Variants in EFCAB6 observed in about 807,000 individuals in gnomAD.
EFCAB6 encodes EF-hand calcium binding domain 6.
Under a neutral mutation model 169.8 loss-of-function variants are expected in EFCAB6, and 156 were observed. The observed-to-expected ratio is 0.92, with a 90% CI of 0.81 to 1.05. The LOEUF (loss-of-function observed/expected upper bound fraction) is 1.05. Among genes scored for constraint, EFCAB6 ranks in the 50% least tolerant of loss-of-function variants. EFCAB6 has a pLI of 0.00. For missense variants in EFCAB6, 1,800 were observed against 1,829.1 expected (o/e 0.98, Z 0.29); for synonymous variants, 698 against 676.4 (o/e 1.03, Z -0.50).
chr22:43,810,868 T>C (rs1292877022), intron 1 of EFCAB6, among the ~76,000 whole-genome samples: 1 of 152,160 alleles, frequency 6.6e-6, no homozygotes, highest in Non-Finnish European at 1.5e-5. Flanking sequence ...TCTTCACATA[T>C]AATCAAAGGG....
At chr22:43,650,153 G>T (rs1184700014) in intron 17 of EFCAB6, among the ~76,000 whole-genome samples, 2 of 152,156 alleles carry the variant, frequency 1.3e-5, no homozygotes, top group Non-Finnish European at 2.9e-5. Flanking sequence ...CTCCTGGAGG[G>T]GAAGGGGCAG....
At chr22:43,796,575 C>G (rs947563268) in intron 2 of EFCAB6, among the ~76,000 whole-genome samples, 1 of 152,006 alleles carries the variant, frequency 6.6e-6, no homozygotes, top group Non-Finnish European at 1.5e-5. Context: ...ATACGGCAAC[C>G]GAGAAAAAAC....
intron 8 of EFCAB6, among the ~76,000 whole-genome samples, chr22:43,729,447 T>C (rs2059856274): frequency 6.6e-6 from 1 of 151,938 alleles, no homozygotes; most frequent in Admixed American, 6.6e-5. Context: ...ATCCAAACCA[T>C]ATCACCCTAG....
chr22:43,640,479 G>C (rs1177667856), intron 17 of EFCAB6, among the ~76,000 whole-genome samples: 2 of 152,172 alleles, frequency 1.3e-5, no homozygotes, highest in Non-Finnish European at 2.9e-5. Flanking sequence ...GAGTCAGCCA[G>C]AGATTGAGGA....
Position 43,589,280 on chromosome 22 carries a change from C to CAAAAAAAA in EFCAB6, c.3032+786_3032+793dup, listed in dbSNP as rs1163346832. ...TGGGTAACAGAGGGAGACTTCATGT[C>CAAAAAAAA]AAAAAAAAAAAAAAAAAAAAAAAAA... On this transcript the variant is annotated intron_variant, in intron 24 of 31. Transcript: ENST00000262726. Among the ~76,000 whole-genome samples, 207 of 80,850 alleles carry CAAAAAAAA rather than the reference C, an allele frequency of 2.6e-3. 1 individual carries two copies. Among genetic ancestry groups the CAAAAAAAA allele is most frequent in the Non-Finnish European group, 4.3e-3 (177 of 41,616 alleles). The allele number at this position is 80,850 out of a possible 152,430, so 53.0% of individuals were successfully genotyped here. A position where few individuals can be genotyped will look rare whatever the true frequency, so the allele number is the denominator to read the frequency against.
At chr22:43,563,661 G>A (rs146201924) in intron 26 of EFCAB6, among the ~76,000 whole-genome samples, 235 of 152,310 alleles carry the variant, frequency 1.5e-3, no homozygotes, top group African/African-American at 5.3e-3. Flanking sequence ...AGAGCCTGCC[G>A]CGCTGCTGCT....
intron 17 of EFCAB6, among the ~76,000 whole-genome samples, chr22:43,666,655 C>T (rs1388348930): frequency 6.7e-6 from 1 of 150,038 alleles, no homozygotes; most frequent in Non-Finnish European, 1.5e-5. Context: ...ACATGCAAAT[C>T]AGCACTCTGA....
intron 2 of EFCAB6, among the ~76,000 whole-genome samples, chr22:43,791,299 G>A (rs1156908895): frequency 6.6e-6 from 1 of 151,822 alleles, no homozygotes; most frequent in Non-Finnish European, 1.5e-5. Flanking sequence ...CTTAAACCCG[G>A]CAGGTGGAGG....
intron 23 of EFCAB6, among the ~76,000 whole-genome samples, chr22:43,593,803 AC>A (rs2051756340): frequency 6.6e-6 from 1 of 152,180 alleles, no homozygotes; most frequent in South Asian, 2.1e-4. Context: ...AGACAGACTC[AC>A]AAACAGGTAA....
At chr22:43,784,589 A>ATATGTATATATACACATATATATG (rs2061974093) in intron 2 of EFCAB6, among the ~76,000 whole-genome samples, 2 of 40,208 alleles carry the variant, frequency 5.0e-5, no homozygotes, top group South Asian at 2.3e-3. Context: ...ACACATATAT[A>ATATGTATATATACACATATATATG]TGTATATATA....
At chr22:43,664,878 T>A (rs536658528) in intron 17 of EFCAB6, among the ~76,000 whole-genome samples, 1 of 152,100 alleles carries the variant, frequency 6.6e-6, no homozygotes, top group East Asian at 2.0e-4. Flanking sequence ...GGGTTGACGA[T>A]GAACTGTGGC....
At chr22:43,739,740 T>G (rs1215921091) in intron 6 of EFCAB6, among the ~76,000 whole-genome samples, 1 of 151,800 alleles carries the variant, frequency 6.6e-6, no homozygotes, top group African/African-American at 2.4e-5. Flanking sequence ...CATCAGCCCC[T>G]CCCTCCAGAC....
intron 22 of EFCAB6, among the ~76,000 whole-genome samples, chr22:43,602,333 C>A (rs1421247385): frequency 1.3e-5 from 2 of 152,230 alleles, no homozygotes; most frequent in Admixed American, 1.3e-4. Context: ...CAGAAAGAGG[C>A]CTGTGGGCTC....
At chr22:43,679,249 A>G (rs1392719566) in intron 12 of EFCAB6, among the ~76,000 whole-genome samples, 1 of 152,224 alleles carries the variant, frequency 6.6e-6, no homozygotes, top group African/African-American at 2.4e-5. Flanking sequence ...AATCATAAAT[A>G]CATGGTTTCC....
At chr22:43,717,581 A>G (rs1041151770) in intron 8 of EFCAB6, among the ~76,000 whole-genome samples, 5 of 152,174 alleles carry the variant, frequency 3.3e-5, no homozygotes, top group African/African-American at 1.2e-4. Context: ...CATCCAATAA[A>G]TGTATGGACT....
intron 8 of EFCAB6, among the ~76,000 whole-genome samples, chr22:43,720,450 T>C (rs2059482866): frequency 6.6e-6 from 1 of 152,048 alleles, no homozygotes; most frequent in African/African-American, 2.4e-5. Context: ...AGTTCAAGGC[T>C]GCAGTGAGCT....
intron 27 of EFCAB6, chr22:43,552,201 C>T: frequency 6.6e-6 from 1 of 152,192 alleles, no homozygotes; most frequent in East Asian, 1.9e-4. Flanking sequence ...ACCAGCCTAT[C>T]ACTGATGGGC....
chr22:43,726,747 C>T (rs558195741), intron 8 of EFCAB6, among the ~76,000 whole-genome samples: 3 of 152,298 alleles, frequency 2.0e-5, no homozygotes, highest in Admixed American at 1.3e-4. Flanking sequence ...TGGCCAACTC[C>T]TGAACTATAG....
At chr22:43,564,702 C>T (rs1051528609) in intron 26 of EFCAB6, among the ~76,000 whole-genome samples, 5 of 152,156 alleles carry the variant, frequency 3.3e-5, no homozygotes, top group African/African-American at 9.7e-5. Flanking sequence ...TGTTAGTTCA[C>T]GTTCGGTTTT....
Sources: gnomAD v4.1 joint callset for allele counts (sites outside exome capture counted in the v4.1 genomes callset) on GRCh38, gnomAD v4.1.1 for gene constraint, MANE v1.5 for transcripts, NCBI Gene and HGNC (gene_info 2026-07-23, HGNC 2026-07-21) for gene names.